The following DCAF17 variants were observed in gnomAD, a reference collection of about 807,000 sequenced individuals.
DCAF17 encodes the protein DDB1- and CUL4-associated factor 17.
In DCAF17, 48 loss-of-function variants were observed where a neutral mutation model predicts 66.0. The ratio of observed to expected loss-of-function variants is 0.73; its 90% CI spans 0.58 to 0.92. DCAF17 has a LOEUF of 0.92. Ranked by LOEUF, DCAF17 falls within the 40% of genes least tolerant of loss-of-function variation. The pLI is 0.00. For synonymous variants in DCAF17, 206 were observed against 214.6 expected (o/e 0.96, Z 0.35); for missense variants, 562 against 622.8 (o/e 0.90, Z 1.04).
At chr2:171,443,682 A>C in intron 3 of DCAF17, 69 bp downstream of exon 3, 1 of 1,259,742 alleles carries the variant, frequency 7.9e-7, no homozygotes. Context: ...TATTATTAAC[A>C]TATTGCATAA....
chr2:171,448,789 A>G lies in DCAF17; in HGVS notation c.430A>G (p.Ile144Val), dbSNP rs1202042169. Residue 144 changes from isoleucine (I) to valine (V), a missense_variant, in exon 4 of 14, where the codon ATA (isoleucine) becomes GTA (valine). Physicochemically the swap from Ile to Val is conservative, Grantham distance 29 (BLOSUM62 3). Coordinates refer to ENST00000375255, the MANE Select transcript of DCAF17 (RefSeq NM_025000.4). Reference protein sequence around the residue: ...SATTGKILEKIYLAPYCKFRY... With the variant: ...SATTGKILEKVYLAPYCKFRY... The stretch of plus-strand genomic sequence containing the variant: ...AACTACGGGAAAAATCCTTGAGAAA[A>G]TATATCTTGCACCTTATTGCAAATT... The G allele has an allele frequency of 1.9e-6, 3 of 1,613,362 alleles. No homozygotes were observed. The highest frequency in any genetic ancestry group is 1.7e-5 in the Admixed American group (1 of 60,010).
intron 9 of DCAF17, among the ~76,000 whole-genome samples, chr2:171,473,257 T>C (rs1197531174): frequency 1.3e-5 from 2 of 152,152 alleles, no homozygotes; most frequent in African/African-American, 4.8e-5. Flanking sequence ...GGCAGAGTTA[T>C]ATAATGGAAA....
At position 171,474,719 on chromosome 2, in the gene DCAF17, A is replaced by G. The variant is rs1696416708; in HGVS notation, c.1091+744A>G. On this transcript the variant is annotated intron_variant, in intron 10 of 13. Transcript: ENST00000375255. The stretch of plus-strand genomic sequence containing the variant: ...CTTCTTACCAATTTGTCTTTCATCA[A>G]TGTACATACATTTAAACACTTACAG... Among the ~76,000 whole-genome samples, 4 of 152,332 alleles carry G rather than the reference A, an allele frequency of 2.6e-5. No individual in the cohort carries two copies. In the South Asian group the frequency reaches 6.2e-4, roughly 24 times the overall value.
intron 8 of DCAF17, among the ~76,000 whole-genome samples, chr2:171,458,865 T>C (rs1695412616): frequency 6.6e-6 from 1 of 152,066 alleles, no homozygotes; most frequent in South Asian, 2.1e-4. Context: ...AGAAAAAATT[T>C]TTACCATGAC....
rs746620356 is a variant in DCAF17, at chr2:171,478,059, C to G, written c.1255C>G (p.Pro419Ala). Residue 419 changes from proline (P) to alanine (A), a missense_variant, in exon 12 of 14, where the codon CCA becomes GCA. Physicochemically the swap from Pro to Ala is conservative, Grantham distance 27 (BLOSUM62 -1). This residue lies in a region of DCAF17 where 201 missense variants were observed against 231.1 expected (regional missense o/e 0.87). Coordinates refer to ENST00000375255, the MANE Select transcript of DCAF17 (RefSeq NM_025000.4). ...AAGTTTTAACCTTCTGGATGATGAC[C>G]CAGAACAAGAGGTATTGCTTTGGCC... ...KKSFNLLDDD[P>A]EQETFKIVDY... 4 of 1,613,526 alleles carry G rather than the reference C, an allele frequency of 2.5e-6. No homozygotes were observed. The highest frequency in any genetic ancestry group is 1.3e-5 in the African/African-American group (1 of 74,964).
intron 3 of DCAF17, among the ~76,000 whole-genome samples, chr2:171,446,850 A>T (rs1694653634): frequency 6.6e-6 from 1 of 152,214 alleles, no homozygotes; most frequent in Admixed American, 6.5e-5. Flanking sequence ...ATGAAATTTT[A>T]ATAAGATGTT....
chr2:171,437,012 G>A (rs1439056317), intron 2 of DCAF17, among the ~76,000 whole-genome samples: 1 of 152,032 alleles, frequency 6.6e-6, no homozygotes, highest in Non-Finnish European at 1.5e-5. Context: ...AGCTTCAGGT[G>A]ATCCGGCCAC....
chr2:171,476,757 T>TC, intron 10 of DCAF17, 103 bp from the exon 11 acceptor site: 1 of 771,964 alleles, frequency 1.3e-6, no homozygotes, highest in Non-Finnish European at 2.3e-6. Context: ...ACCTCAGTGT[T>TC]ACTATAATTT....
At chr2:171,470,030 T>C (rs1225399509) in intron 9 of DCAF17, among the ~76,000 whole-genome samples, 1 of 152,064 alleles carries the variant, frequency 6.6e-6, no homozygotes, top group Non-Finnish European at 1.5e-5. Flanking sequence ...TTATTTTATA[T>C]TTATTTATTT....
intron 2 of DCAF17, among the ~76,000 whole-genome samples, chr2:171,442,784 G>A (rs1694379835): frequency 6.6e-6 from 1 of 151,924 alleles, no homozygotes; most frequent in South Asian, 2.1e-4. Context: ...GGAGGCTGAG[G>A]CAGGACAATT....
At chr2:171,469,602 T>C (rs1488904192) in intron 9 of DCAF17, among the ~76,000 whole-genome samples, 3 of 152,236 alleles carry the variant, frequency 2.0e-5, no homozygotes, top group Non-Finnish European at 4.4e-5. Flanking sequence ...AGGCGTTGAT[T>C]TGTCATTTAA....
chr2:171,436,569 A>T (rs1285087027), intron 2 of DCAF17, among the ~76,000 whole-genome samples: 2 of 151,308 alleles, frequency 1.3e-5, no homozygotes, highest in Non-Finnish European at 2.9e-5. Flanking sequence ...TTTCTTGTGC[A>T]TATTAGCCAT....
rs748120696 is a variant in DCAF17 at position 171,469,042 on chromosome 2, A to T, written c.981+12A>T. 3.7e-6 allele frequency: 6 copies of T among 1,613,978 alleles called. No homozygotes were observed. On this transcript the variant is annotated intron_variant, in intron 9 of 13. Transcript: ENST00000375255. The stretch of plus-strand genomic sequence containing the variant: ...AAGACAATTCCCTGGTAAATGAGTG[A>T]TCAGACTTTTTATTAGCAAATTTGT...
At chr2:171,468,594 A>G (rs1696057146) in intron 8 of DCAF17, among the ~76,000 whole-genome samples, 1 of 152,126 alleles carries the variant, frequency 6.6e-6, no homozygotes, top group Admixed American at 6.5e-5. Context: ...GTCATTTCTT[A>G]CCATCATAAA....
intron 8 of DCAF17, among the ~76,000 whole-genome samples, chr2:171,461,803 G>T (rs145173372): frequency 6.6e-6 from 1 of 152,040 alleles, no homozygotes; most frequent in Non-Finnish European, 1.5e-5. Context: ...TGTGCTCTTC[G>T]CAGTAAATTC....
rs1231970596 is a variant in DCAF17, at chr2:171,481,051, CTA to C, written c.1502_1503del (p.Tyr501CysfsTer7). 6.2e-7 allele frequency: 1 copy of C among 1,613,630 alleles called. No homozygotes were observed. The highest frequency in any genetic ancestry group is 2.2e-5 in the East Asian group (1 of 44,876). Reference sequence around the variant, plus strand: ...AGAAACCCAACAGAGTCTTCAGCTGCTATGTTTACCAGATGATATGTGACACT... The same window carrying C: ...AGAAACCCAACAGAGTCTTCAGCTGCTGTTTACCAGATGATATGTGACACT... ...EQKPNRVFSC[Y>X]VYQMICDTGE... On this transcript the variant is annotated frameshift_variant, in exon 14 of 14. Coordinates refer to ENST00000375255, the MANE Select transcript of DCAF17 (RefSeq NM_025000.4). LOFTEE classifies it high-confidence loss of function.
Position 171,466,807 on chromosome 2 carries a change from C to G in DCAF17, c.839-2081C>G, listed in dbSNP as rs186007384. Among the ~76,000 whole-genome samples the G allele has an allele frequency of 9.0e-3, 1,307 of 145,756 alleles. 18 individuals carry two copies. Among genetic ancestry groups the G allele is most frequent in the African/African-American group, 0.032 (1,242 of 39,380 alleles). On this transcript the variant is annotated intron_variant, in intron 8 of 13. Transcript: ENST00000375255. Reference sequence around the variant, plus strand: ...TTCTTTATATATTAAATTTCACATTCTCTATAACATACCTAGTTGATTTCA... The same window carrying G: ...TTCTTTATATATTAAATTTCACATTGTCTATAACATACCTAGTTGATTTCA...
chr2:171,470,664 T>A (rs1696193979), intron 9 of DCAF17, among the ~76,000 whole-genome samples: 1 of 152,202 alleles, frequency 6.6e-6, no homozygotes. Flanking sequence ...TGAGTGGACA[T>A]CATTCAGCCA....
At chr2:171,447,160 T>G (rs1160510107) in intron 3 of DCAF17, among the ~76,000 whole-genome samples, 1 of 151,984 alleles carries the variant, frequency 6.6e-6, no homozygotes, top group African/African-American at 2.4e-5. Context: ...TATTTAGTGG[T>G]GTATAATGTG....
Sources: gnomAD v4.1 joint callset for allele counts (sites outside exome capture counted in the v4.1 genomes callset) on GRCh38, gnomAD v4.1.1 for gene constraint, gnomAD v4.1.1 regional missense constraint, MANE v1.5 for transcripts, NCBI Gene and HGNC (gene_info 2026-07-23, HGNC 2026-07-21) for gene names.